NBDY: variants seen among roughly 807,000 people sequenced by gnomAD.
NBDY encodes the protein P-body dissociating protein.
chrX:56,795,516 C>G (rs144740352), intron 2 of NBDY, among the ~76,000 whole-genome samples: 2 of 112,376 alleles, frequency 1.8e-5, no homozygotes, highest in East Asian at 5.7e-4. Flanking sequence ...TGCAACTGTT[C>G]TCTGTCTTTG....
chrX:56,737,099 G>A (rs2069498887), intron 2 of NBDY: 1 of 480,369 alleles, frequency 2.1e-6, no homozygotes, highest in Non-Finnish European at 3.9e-6. Flanking sequence ...TAGTTATTCA[G>A]TATAAGGTTT....
At chrX:56,792,387 G>C (rs1294628320) in intron 2 of NBDY, among the ~76,000 whole-genome samples, 1 of 110,996 alleles carries the variant, frequency 9.0e-6, no homozygotes, top group Non-Finnish European at 1.9e-5. Context: ...TGAACACATT[G>C]ATCTGGATAT....
intron 2 of NBDY, among the ~76,000 whole-genome samples, chrX:56,781,361 G>A (rs925072912): frequency 8.9e-6 from 1 of 111,770 alleles, no homozygotes; most frequent in East Asian, 2.8e-4. Context: ...TTTGCTGATG[G>A]AGTGTGCGGG....
chrX:56,732,055 T>G lies in NBDY; in HGVS notation c.*30-8T>G, dbSNP rs902133779. ...AATGATGCCACAATATTTTTTACTA[T>G]TTTTCAGTCTTTGAGTGATTGCAGT... On this transcript the variant is annotated splice_polypyrimidine_tract_variant and splice_region_variant and intron_variant, in intron 1 of 2. Transcript: ENST00000374922. The G allele has an allele frequency of 4.4e-5, 13 of 294,465 alleles. No homozygotes were observed. Among genetic ancestry groups the G allele is most frequent in the Non-Finnish European group, 7.7e-5 (13 of 169,252 alleles). The allele number at this position is 294,465 out of a possible 1,213,427, so 24.3% of individuals were successfully genotyped here.
chrX:56,740,485 T>C (rs967448577), intron 2 of NBDY, among the ~76,000 whole-genome samples: 8 of 111,697 alleles, frequency 7.2e-5, no homozygotes, highest in Non-Finnish European at 1.5e-4. Flanking sequence ...AACTGTGTTG[T>C]TTAAATCTTC....
chrX:56,790,575 A>G (rs930299910), intron 2 of NBDY, among the ~76,000 whole-genome samples: 7 of 112,592 alleles, frequency 6.2e-5, no homozygotes, highest in Non-Finnish European at 7.5e-5. Context: ...CCTAGGTACA[A>G]TGGGAGAAGA....
chrX:56,800,837 C>G (rs1335500917), intron 2 of NBDY, among the ~76,000 whole-genome samples: 1 of 111,108 alleles, frequency 9.0e-6, no homozygotes, highest in Non-Finnish European at 1.9e-5. Flanking sequence ...AGGACCCGGG[C>G]TGAACCCTGG....
intron 2 of NBDY, among the ~76,000 whole-genome samples, chrX:56,743,976 C>T (rs941790961): frequency 2.7e-5 from 3 of 109,965 alleles, no homozygotes; most frequent in Non-Finnish European, 5.7e-5. Flanking sequence ...CTTAGTACTG[C>T]TTTTGCTTTA....
chrX:56,763,464 G>C (rs1212894795), intron 2 of NBDY, among the ~76,000 whole-genome samples: 2 of 112,235 alleles, frequency 1.8e-5, no homozygotes, highest in African/African-American at 6.5e-5. Context: ...TGACCTCCAT[G>C]TGTCAGCCCA....
In NBDY at chrX:56,762,099, C is replaced by T. The variant is rs185142182; in HGVS notation, c.*166+29900C>T. 1.5e-3 allele frequency among the ~76,000 whole-genome samples: 164 copies of T among 111,254 alleles called. 1 individual carries two copies. Among genetic ancestry groups the T allele is most frequent in the African/African-American group, 5.1e-3 (155 of 30,535 alleles). On this transcript the variant is annotated intron_variant, in intron 2 of 2. Coordinates refer to ENST00000374922, the MANE Select transcript of NBDY (RefSeq NM_001348129.2). ...AACAAGAAGCTTCTTGGTGGTGTGTCCTTTCACTGGGATGTCACTGTTGTC... is the reference window on the plus strand; with the variant it reads ...AACAAGAAGCTTCTTGGTGGTGTGTTCTTTCACTGGGATGTCACTGTTGTC...
intron 2 of NBDY, among the ~76,000 whole-genome samples, chrX:56,784,812 C>A (rs1337569214): frequency 1.8e-5 from 2 of 111,775 alleles, no homozygotes; most frequent in Admixed American, 1.9e-4. Context: ...GGTTTCCAGG[C>A]AGACGTAAGA....
intron 2 of NBDY, among the ~76,000 whole-genome samples, chrX:56,749,882 G>T (rs1228123397): frequency 2.7e-5 from 3 of 111,102 alleles, no homozygotes; most frequent in African/African-American, 9.8e-5. Flanking sequence ...AAACTCCTGA[G>T]CTTAAGTGAT....
At chrX:56,742,305 T>C (rs1017510819) in intron 2 of NBDY, among the ~76,000 whole-genome samples, 1 of 111,824 alleles carries the variant, frequency 8.9e-6, no homozygotes, top group Non-Finnish European at 1.9e-5. Context: ...ATAGCTTTGG[T>C]TATTCTGGGT....
At chrX:56,802,002 ACACACACACACAC>A (rs1019158612) in intron 2 of NBDY, among the ~76,000 whole-genome samples, 5 of 109,897 alleles carry the variant, frequency 4.5e-5, no homozygotes, top group Non-Finnish European at 7.6e-5. Context: ...ACACACACAC[ACACACACACACAC>A]AAATCCTCAC....
intron 2 of NBDY, among the ~76,000 whole-genome samples, chrX:56,741,955 A>G (rs950052621): frequency 1.8e-5 from 2 of 111,531 alleles, no homozygotes; most frequent in African/African-American, 6.5e-5. Flanking sequence ...TTGTAGTTTC[A>G]TAGTTTGAGG....
At chrX:56,797,012 C>A (rs2146735741) in intron 2 of NBDY, among the ~76,000 whole-genome samples, 1 of 111,252 alleles carries the variant, frequency 9.0e-6, no homozygotes, top group South Asian at 3.9e-4. Context: ...TCTGTTTCTT[C>A]TTCCTTTTCC....
At chrX:56,808,433 A>G (rs148508787) in intron 2 of NBDY, among the ~76,000 whole-genome samples, 3,287 of 112,121 alleles carry the variant, frequency 0.029, 138 homozygotes, top group African/African-American at 0.1. Context: ...CCTCAATTTC[A>G]GAGCCTGTTA....
chrX:56,792,354 C>CTT (rs756646122), intron 2 of NBDY, among the ~76,000 whole-genome samples: 1 of 111,037 alleles, frequency 9.0e-6, no homozygotes, highest in African/African-American at 3.3e-5. Context: ...TCCTCTGTCT[C>CTT]TTTTTTTTCC....
At chrX:56,745,621 A>G (rs1216979765) in intron 2 of NBDY, among the ~76,000 whole-genome samples, 1 of 111,208 alleles carries the variant, frequency 9.0e-6, no homozygotes, top group Non-Finnish European at 1.9e-5. Context: ...TCCTAACAAT[A>G]TCCTTTATAG....
Sources: gnomAD v4.1 joint callset for allele counts (sites outside exome capture counted in the v4.1 genomes callset) on GRCh38, gnomAD v4.1.1 for gene constraint, MANE v1.5 for transcripts, NCBI Gene and HGNC (gene_info 2026-07-23, HGNC 2026-07-21) for gene names.